Variants in SREBF2 observed in about 807,000 individuals in gnomAD.
SREBF2 encodes sterol regulatory element binding transcription factor 2, also known as sterol regulatory element-binding protein 2.
SREBF2 carries 55 observed loss-of-function variants against 113.1 expected under a neutral mutation model. The observed-to-expected ratio is 0.49, with a 90% CI of 0.39 to 0.61. The LOEUF is 0.61. Ranked by LOEUF, SREBF2 falls within the 20% of genes least tolerant of loss-of-function variation. The pLI, the probability that SREBF2 is intolerant of heterozygous loss-of-function variation, is 0.00. For synonymous variants in SREBF2, 593 were observed against 605.7 expected, an observed-to-expected ratio of 0.98 and a Z score of 0.31; for missense variants, 1,349 against 1,487.4, an observed-to-expected ratio of 0.91 and a Z score of 1.53.
chr22:41,874,056 A>G (rs1171092350), intron 5 of SREBF2, 37 bp downstream of exon 5: 2 of 1,610,284 alleles, frequency 1.2e-6, no homozygotes, highest in South Asian at 1.1e-5. Flanking sequence ...ATGTTCCACC[A>G]TCTCCCCTCT....
Position 41,866,836 on chromosome 22 carries a change from C to T in SREBF2, c.94C>T (p.Leu32=). Residue 32 remains leucine (L), a synonymous_variant, in exon 2 of 19, where the codon CTG becomes TTG. Transcript: ENST00000361204. ...TCCTTTTCTTTTGTTCACAGAGATG[C>T]TGCAATTTGTCAGTAATCAAGTGGG... is the stretch of plus-strand genomic sequence containing the variant. ...ELTLGDIDEM[L]QFVSNQVGEF... The T allele has an allele frequency of 1.2e-6, 2 of 1,614,184 alleles. No homozygotes were observed.
intron 1 of SREBF2, among the ~76,000 whole-genome samples, chr22:41,842,020 T>C (rs1260316037): frequency 6.6e-6 from 1 of 152,240 alleles, no homozygotes; most frequent in Non-Finnish European, 1.5e-5. Context: ...AGAGGAGTCT[T>C]CAAGTTCAGC....
intron 11 of SREBF2, 87 bp from the exon 12 acceptor site, chr22:41,893,024 CCCACCT>C: frequency 1.4e-6 from 2 of 1,480,964 alleles, no homozygotes; most frequent in Non-Finnish European, 1.9e-6. Context: ...TCCCCCAAAG[CCCACCT>C]CCACCATGGT....
chr22:41,892,463 C>T (rs2077372505), intron 11 of SREBF2, among the ~76,000 whole-genome samples: 1 of 151,884 alleles, frequency 6.6e-6, no homozygotes, highest in East Asian at 1.9e-4. Context: ...TCCTGGCTAA[C>T]ACGGTGAAAC....
chr22:41,875,830 T>A, intron 7 of SREBF2, 106 bp downstream of exon 7: 1 of 1,295,488 alleles, frequency 7.7e-7, no homozygotes, highest in Non-Finnish European at 1.1e-6. Context: ...TAAGAGGGCC[T>A]AGCCTGGAGA....
At position 41,870,906 on chromosome 22, in the gene SREBF2, G is replaced by C. The variant is rs1360278725; in HGVS notation, c.738G>C (p.Gln246His). The C allele has an allele frequency of 3.7e-6, 6 of 1,614,124 alleles. No individual in the cohort carries two copies. Among genetic ancestry groups the C allele is most frequent in the Non-Finnish European group, 5.1e-6 (6 of 1,180,036 alleles). The change falls in exon 4 of 19, where the codon CAG becomes CAC. Residue 246 changes from glutamine to histidine, a missense_variant. Gln to His is a conservative substitution (Grantham distance 24). This residue lies in a region of SREBF2 where 699 missense variants were observed against 843.3 expected (regional missense o/e 0.83). Transcript: ENST00000361204. Reference protein sequence around the residue: ...VQQVPVLVQPQIIKTDSLVLT... With the variant: ...VQQVPVLVQPHIIKTDSLVLT... ...TCATCCAGGTCCTGGTCCAGCCTCA[G>C]ATCATCAAGACAGATTCCCTTGTTT...
Position 41,837,814 on chromosome 22 carries a change from C to T in SREBF2, c.88+4456C>T, listed in dbSNP as rs190113704. Among the ~76,000 whole-genome samples, 16 of 146,308 alleles carry T rather than the reference C, an allele frequency of 1.1e-4. No individual in the cohort carries two copies. In the East Asian group the frequency reaches 1.2e-3, roughly 11 times the overall value. ...CAGAGGTTGCAGTGAGCCGAGATCG[C>T]GCCATTGCACTCCAGCCTGGGCAAC... On this transcript the variant is annotated intron_variant, in intron 1 of 18. Transcript: ENST00000361204.
chr22:41,863,472 T>G (rs2077043728), intron 1 of SREBF2, among the ~76,000 whole-genome samples: 1 of 152,260 alleles, frequency 6.6e-6, no homozygotes, highest in South Asian at 2.1e-4. Context: ...TTCAACAAAT[T>G]CTTAGATTTC....
chr22:41,888,579 C>G (rs887626340), intron 11 of SREBF2, among the ~76,000 whole-genome samples: 5 of 152,174 alleles, frequency 3.3e-5, no homozygotes, highest in Non-Finnish European at 5.9e-5. Context: ...AACGATGAAT[C>G]TTGGGTGTTT....
intron 1 of SREBF2, among the ~76,000 whole-genome samples, chr22:41,847,921 T>TA (rs2076892451): frequency 4.2e-5 from 1 of 23,880 alleles, no homozygotes; most frequent in Admixed American, 6.9e-4. Flanking sequence ...ATTATTATTA[T>TA]TTTTTTTTTT....
At chr22:41,879,546 G>A (rs2077226776) in intron 9 of SREBF2, among the ~76,000 whole-genome samples, 1 of 152,234 alleles carries the variant, frequency 6.6e-6, no homozygotes. Context: ...GAAAGGCAGG[G>A]GAGGAGCCAG....
At chr22:41,852,231 T>G (rs572834768) in intron 1 of SREBF2, among the ~76,000 whole-genome samples, 68 of 152,206 alleles carry the variant, frequency 4.5e-4, no homozygotes, top group African/African-American at 1.6e-3. Flanking sequence ...AGTGAAAAAA[T>G]TAAATACATT....
chr22:41,864,525 T>C (rs2077057973), intron 1 of SREBF2, among the ~76,000 whole-genome samples: 1 of 151,428 alleles, frequency 6.6e-6, no homozygotes, highest in Middle Eastern at 3.2e-3. Context: ...TTTCACCGTG[T>C]TAGCCAGGAT....
chr22:41,871,885 C>T (rs989607287), intron 4 of SREBF2, among the ~76,000 whole-genome samples: 2 of 135,546 alleles, frequency 1.5e-5, no homozygotes, highest in African/African-American at 5.7e-5. Flanking sequence ...GATGACAGAA[C>T]GAGACTGACT....
In SREBF2 at chr22:41,905,529, CCGGGCCAG is replaced by C; in HGVS notation, c.3301_3308del (p.Gln1101SerfsTer28). The C allele has an allele frequency of 6.3e-7, 1 of 1,587,494 alleles. No individual in the cohort carries two copies. Among genetic ancestry groups the C allele is most frequent in the Non-Finnish European group, 8.6e-7 (1 of 1,167,478 alleles). ...CCTGCCCCTCTCCTTCCTCTCCTCCCCGGGCCAGCGGGCAGTGCTGCTGGCCGAAGCTG... is the reference window on the plus strand; with the variant it reads ...CCTGCCCCTCTCCTTCCTCTCCTCCCCGGGCAGTGCTGCTGGCCGAAGCTG... On this transcript the variant is annotated frameshift_variant, in exon 19 of 19. Transcript: ENST00000361204. LOFTEE classifies it high-confidence loss of function.
At chr22:41,874,051 C>G in intron 5 of SREBF2, 32 bp downstream of exon 5, 6 of 1,610,852 alleles carry the variant, frequency 3.7e-6, no homozygotes, top group Non-Finnish European at 4.2e-6. Flanking sequence ...GTTTTATGTT[C>G]CACCATCTCC....
chr22:41,836,992 A>G (rs936914511), intron 1 of SREBF2, among the ~76,000 whole-genome samples: 2 of 152,186 alleles, frequency 1.3e-5, no homozygotes, highest in East Asian at 3.8e-4. Flanking sequence ...AATGGCTTCT[A>G]AGTATTCATG....
chr22:41,877,375 G>T lies in SREBF2; in HGVS notation c.1533G>T (p.Gln511His), dbSNP rs372172407. The change falls in exon 8 of 19, where the codon CAG (glutamine) becomes CAT (histidine). Residue 511 changes from glutamine to histidine, a missense_variant. Transcript: ENST00000361204. The stretch of plus-strand genomic sequence containing the variant: ...GGGGAGGGGCCCACGACTCTGACCA[G>T]CACCCACACTCAGGCTCTGGCCGCA... ...LQWGGAHDSD[Q>H]HPHSGSGRSV... 1.1e-5 allele frequency: 17 copies of T among 1,614,034 alleles called. No individual in the cohort carries two copies. Among genetic ancestry groups the T allele is most frequent in the Non-Finnish European group, 1.4e-5 (16 of 1,180,038 alleles).
intron 1 of SREBF2, among the ~76,000 whole-genome samples, chr22:41,851,079 G>A (rs1569375340): frequency 6.6e-6 from 1 of 152,104 alleles, no homozygotes; most frequent in Non-Finnish European, 1.5e-5. Context: ...ATTGGTCTCA[G>A]GGTTGATATA....
Sources: allele counts gnomAD v4.1 joint callset (sites outside exome capture counted in the v4.1 genomes callset), GRCh38; gene constraint gnomAD v4.1.1; regional missense constraint gnomAD v4.1.1; transcripts MANE v1.5; gene names NCBI Gene and HGNC (gene_info 2026-07-23, HGNC 2026-07-21).